The following MAMDC2 variants were observed in gnomAD, a reference collection of about 807,000 sequenced individuals.
The protein encoded by MAMDC2 is MAM domain-containing protein 2.
A neutral mutation model predicts 89.8 loss-of-function variants in MAMDC2; 57 were observed. The observed-to-expected ratio is 0.63, with a 90% CI of 0.51 to 0.79. The LOEUF is 0.79. Among genes scored for constraint, MAMDC2 ranks in the 30% least tolerant of loss-of-function variants. The pLI, the probability that MAMDC2 is intolerant of heterozygous loss-of-function variation, is 0.00. For missense variants in MAMDC2, 800 were observed against 820.6 expected, an observed-to-expected ratio of 0.97 and a Z score of 0.31; for synonymous variants, 313 against 293.4, an observed-to-expected ratio of 1.07 and a Z score of -0.68.
chr9:70,218,755 T>G (rs1474555998), intron 12 of MAMDC2, among the ~76,000 whole-genome samples, 159 bp downstream of exon 12: 1 of 152,214 alleles, frequency 6.6e-6, no homozygotes, highest in African/African-American at 2.4e-5. Context: ...TATACATTGA[T>G]TAAATCTAAG....
At chr9:70,171,853 T>A (rs2032358933) in intron 11 of MAMDC2, 1 of 151,984 alleles carries the variant, frequency 6.6e-6, no homozygotes, top group Non-Finnish European at 1.5e-5. Context: ...GCAAAAAAAA[T>A]TCTCATAATG....
chr9:70,062,063 T>C (rs1827161179), intron 2 of MAMDC2, among the ~76,000 whole-genome samples: 1 of 152,224 alleles, frequency 6.6e-6, no homozygotes, highest in South Asian at 2.1e-4. Context: ...AGCAGCAGTC[T>C]ACCCAATAGG....
chr9:70,222,285 T>C (rs191516451), intron 12 of MAMDC2, among the ~76,000 whole-genome samples: 16 of 152,310 alleles, frequency 1.1e-4, no homozygotes, highest in African/African-American at 3.4e-4. Flanking sequence ...AGAAAATTAA[T>C]AGACTTCTGG....
chr9:70,058,782 GTTC>G (rs1215704712), intron 2 of MAMDC2, among the ~76,000 whole-genome samples: 9 of 152,208 alleles, frequency 5.9e-5, no homozygotes, highest in African/African-American at 1.9e-4. Context: ...AGAAACATTA[GTTC>G]TTCTAGGTTC....
At chr9:70,163,231 T>A (rs2118500435) in intron 9 of MAMDC2, among the ~76,000 whole-genome samples, 1 of 127,300 alleles carries the variant, frequency 7.9e-6, no homozygotes, top group East Asian at 2.1e-4. Context: ...CTTTCTTTCT[T>A]TTTTTTTTTT....
At chr9:70,182,382 G>C (rs2032662991) in intron 11 of MAMDC2, among the ~76,000 whole-genome samples, 1 of 152,170 alleles carries the variant, frequency 6.6e-6, no homozygotes, top group Non-Finnish European at 1.5e-5. Context: ...AATGAATTAG[G>C]GAGGAGTCTC....
intron 5 of MAMDC2, among the ~76,000 whole-genome samples, chr9:70,116,730 C>T (rs1187232406): frequency 6.6e-6 from 1 of 150,816 alleles, no homozygotes; most frequent in Non-Finnish European, 1.5e-5. Context: ...CTAAAGGGAC[C>T]AAGGGGTGAG....
chr9:70,166,262 AAT>A (rs371331801), intron 9 of MAMDC2, among the ~76,000 whole-genome samples: 28 of 134,486 alleles, frequency 2.1e-4, no homozygotes, highest in African/African-American at 6.1e-4. Flanking sequence ...ACAAAACAGA[AAT>A]ATATATATAT....
At chr9:70,216,010 C>T (rs894918409) in intron 11 of MAMDC2, among the ~76,000 whole-genome samples, 1 of 152,076 alleles carries the variant, frequency 6.6e-6, no homozygotes, top group African/African-American at 2.4e-5. Context: ...GTCTCGATTG[C>T]CATATTTTTG....
At chr9:70,095,457 A>G (rs149634060) in intron 2 of MAMDC2, among the ~76,000 whole-genome samples, 2 of 152,330 alleles carry the variant, frequency 1.3e-5, no homozygotes, top group African/African-American at 4.8e-5. Flanking sequence ...AATTTTCAAA[A>G]TTCAGTTATT....
At chr9:70,206,070 T>C (rs1024388078) in intron 11 of MAMDC2, among the ~76,000 whole-genome samples, 9 of 152,240 alleles carry the variant, frequency 5.9e-5, no homozygotes, top group Non-Finnish European at 1.0e-4. Flanking sequence ...GTTAAAATTA[T>C]GTTTAGGTAA....
chr9:70,114,891 G>T (rs981069990), intron 5 of MAMDC2, among the ~76,000 whole-genome samples: 1 of 152,184 alleles, frequency 6.6e-6, no homozygotes, highest in Non-Finnish European at 1.5e-5. Flanking sequence ...GTCCCTCACT[G>T]CTTGGATGTC....
intron 5 of MAMDC2, among the ~76,000 whole-genome samples, chr9:70,120,524 C>T (rs1445495978): frequency 6.6e-6 from 1 of 152,186 alleles, no homozygotes; most frequent in Admixed American, 6.5e-5. Flanking sequence ...TAACCCAACT[C>T]TTTATAGAAA....
At chr9:70,098,571 A>G (rs1217863458) in intron 2 of MAMDC2, among the ~76,000 whole-genome samples, 1 of 152,248 alleles carries the variant, frequency 6.6e-6, no homozygotes, top group African/African-American at 2.4e-5. Flanking sequence ...TAGAAATAAT[A>G]TTTGTGGAGA....
chr9:70,183,879 A>G (rs964572358), intron 11 of MAMDC2, among the ~76,000 whole-genome samples: 1 of 152,108 alleles, frequency 6.6e-6, no homozygotes, highest in Non-Finnish European at 1.5e-5. Flanking sequence ...TTCTGTCATT[A>G]TGTGAATTTG....
At chr9:70,156,728 C>T (rs2031777722) in intron 9 of MAMDC2, among the ~76,000 whole-genome samples, 1 of 152,200 alleles carries the variant, frequency 6.6e-6, no homozygotes. Context: ...GGAACCTACT[C>T]TTGAGTTTTT....
At position 70,140,299 on chromosome 9, in the gene MAMDC2, G is replaced by A; in HGVS notation, c.1138+11G>A. 1 of 1,588,880 alleles carries A rather than the reference G, an allele frequency of 6.3e-7. No individual in the cohort carries two copies. The highest frequency in any genetic ancestry group is 8.5e-7 in the Non-Finnish European group (1 of 1,170,830). On this transcript the variant is annotated intron_variant, in intron 8 of 13. Transcript: ENST00000377182. ...ACACTACAGGCTTAGGTAAATCAGAGATCTGTCTATGTGGGGACATCTTGG... is the reference window on the plus strand; with the variant it reads ...ACACTACAGGCTTAGGTAAATCAGAAATCTGTCTATGTGGGGACATCTTGG...
At chr9:70,174,196 T>C (rs2032430578) in intron 11 of MAMDC2, among the ~76,000 whole-genome samples, 1 of 152,242 alleles carries the variant, frequency 6.6e-6, no homozygotes, top group South Asian at 2.1e-4. Flanking sequence ...CATTTACTCC[T>C]TCATTCAGCA....
chr9:70,183,889 G>A (rs1270980721), intron 11 of MAMDC2, among the ~76,000 whole-genome samples: 1 of 152,050 alleles, frequency 6.6e-6, no homozygotes, highest in Non-Finnish European at 1.5e-5. Flanking sequence ...ATGTGAATTT[G>A]ATTCTGTCAT....
Sources: allele counts gnomAD v4.1 joint callset (sites outside exome capture counted in the v4.1 genomes callset), GRCh38; gene constraint gnomAD v4.1.1; transcripts MANE v1.5; gene names NCBI Gene and HGNC (gene_info 2026-07-23, HGNC 2026-07-21).